Variants in TRPC4 observed in about 807,000 individuals in gnomAD.
The protein encoded by TRPC4 is short transient receptor potential channel 4.
A neutral mutation model predicts 99.4 loss-of-function variants in TRPC4; 49 were observed. The ratio of observed to expected loss-of-function variants is 0.49; its 90% CI spans 0.39 to 0.63. The LOEUF (loss-of-function observed/expected upper bound fraction) is 0.63. Among genes scored for constraint, TRPC4 ranks in the 20% least tolerant of loss-of-function variants. The probability of loss-of-function intolerance (pLI) is 0.00; values close to 1 mark genes in which losing one functional copy is unlikely to be tolerated. For synonymous variants in TRPC4, 454 were observed against 425.9 expected (o/e 1.07, Z -0.81); for missense variants, 898 against 1,152.9 (o/e 0.78, Z 3.20).
intron 1 of TRPC4, among the ~76,000 whole-genome samples, chr13:37,817,829 C>T (rs1462161454): frequency 6.6e-6 from 1 of 151,894 alleles, no homozygotes; most frequent in East Asian, 1.9e-4. Context: ...AATAGGCTAG[C>T]CATATGCAGA....
rs144222571 is a variant in TRPC4 at position 37,713,410 on chromosome 13, C to T, written c.898-21075G>A. 4.9e-3 allele frequency among the ~76,000 whole-genome samples: 746 copies of T among 152,262 alleles called. 3 individuals carry two copies. Among genetic ancestry groups the T allele is most frequent in the Middle Eastern group, 0.017 (5 of 294 alleles). ...AAGATTGCCTGAAATAAAAGCTAAA[C>T]TTTCAGTTATAAAGTACTGGCTCTT... On this transcript the variant is annotated intron_variant, in intron 3 of 10. Transcript: ENST00000379705.
intron 1 of TRPC4, among the ~76,000 whole-genome samples, chr13:37,840,936 T>C (rs1193050529): frequency 5.3e-5 from 8 of 152,068 alleles, no homozygotes; most frequent in Admixed American, 5.2e-4. Flanking sequence ...TTCCTAATGG[T>C]ATTATTTTTG....
intron 2 of TRPC4, among the ~76,000 whole-genome samples, chr13:37,762,847 C>A (rs1019678275): frequency 6.7e-6 from 1 of 150,212 alleles, no homozygotes; most frequent in Non-Finnish European, 1.5e-5. Context: ...TGCACATGTA[C>A]CCTAAAACTT....
intron 8 of TRPC4, among the ~76,000 whole-genome samples, chr13:37,642,605 T>C (rs1951749746): frequency 6.6e-6 from 1 of 152,166 alleles, no homozygotes; most frequent in Non-Finnish European, 1.5e-5. Flanking sequence ...TTGGGAAAGC[T>C]GGTTGTCTAC....
At chr13:37,647,740 G>A (rs970449876) in intron 8 of TRPC4, among the ~76,000 whole-genome samples, 1 of 152,202 alleles carries the variant, frequency 6.6e-6, no homozygotes, top group Admixed American at 6.5e-5. Context: ...GAGTGTCACT[G>A]TTCCTTAAAT....
In TRPC4 at chr13:37,841,849, G is replaced by C. The variant is rs1334857618; in HGVS notation, c.-28+27746C>G. ...AACAGTTTCTTTAAAAATGAAGCATGCCACTATCATGTGACTCAACAATTA... is the reference window on the plus strand; with the variant it reads ...AACAGTTTCTTTAAAAATGAAGCATCCCACTATCATGTGACTCAACAATTA... On this transcript the variant is annotated intron_variant, in intron 1 of 10. Transcript: ENST00000379705. Among the ~76,000 whole-genome samples the C allele has an allele frequency of 2.6e-5, 4 of 152,114 alleles. No individual in the cohort carries two copies. The East Asian group carries it at 7.7e-4, about 29-fold the overall frequency.
chr13:37,641,253 T>TA (rs766534904), intron 8 of TRPC4, among the ~76,000 whole-genome samples: 4 of 152,100 alleles, frequency 2.6e-5, no homozygotes, highest in Non-Finnish European at 5.9e-5. Flanking sequence ...GGAAAAAACT[T>TA]AAAAAATCAA....
intron 1 of TRPC4, among the ~76,000 whole-genome samples, chr13:37,799,547 A>G (rs1957346140): frequency 6.6e-6 from 1 of 152,154 alleles, no homozygotes; most frequent in Non-Finnish European, 1.5e-5. Flanking sequence ...CTGATTTCTC[A>G]TATGTAAAAA....
intron 3 of TRPC4, among the ~76,000 whole-genome samples, chr13:37,715,471 T>A (rs943999406): frequency 6.6e-6 from 1 of 152,162 alleles, no homozygotes; most frequent in Non-Finnish European, 1.5e-5. Flanking sequence ...AATAGTTGCC[T>A]TTTGGGGAAG....
At chr13:37,828,736 A>G (rs1271484471) in intron 1 of TRPC4, among the ~76,000 whole-genome samples, 1 of 152,248 alleles carries the variant, frequency 6.6e-6, no homozygotes, top group Non-Finnish European at 1.5e-5. Context: ...ACAGGAACAG[A>G]AAACCAAATA....
intron 1 of TRPC4, among the ~76,000 whole-genome samples, chr13:37,860,920 C>T (rs755488919): frequency 6.6e-6 from 1 of 151,480 alleles, no homozygotes. Context: ...GTATCTATTT[C>T]ATTATATTTA....
At chr13:37,756,707 G>T (rs1267596857) in intron 2 of TRPC4, among the ~76,000 whole-genome samples, 2 of 151,136 alleles carry the variant, frequency 1.3e-5, no homozygotes, top group East Asian at 2.0e-4. Context: ...TTAATTTTTT[G>T]GATTCTTAGC....
chr13:37,738,786 G>A (rs1382047067), intron 3 of TRPC4, among the ~76,000 whole-genome samples: 5 of 152,106 alleles, frequency 3.3e-5, no homozygotes, highest in Admixed American at 1.3e-4. Flanking sequence ...AAGCAGTGAC[G>A]GTGGGCATTA....
At chr13:37,793,590 G>A (rs1292289592) in intron 1 of TRPC4, among the ~76,000 whole-genome samples, 2 of 152,012 alleles carry the variant, frequency 1.3e-5, no homozygotes, top group Non-Finnish European at 2.9e-5. Flanking sequence ...ATAATGAACA[G>A]TCCCTTTGGA....
chr13:37,864,151 T>G (rs1959584806), intron 1 of TRPC4, among the ~76,000 whole-genome samples: 1 of 151,700 alleles, frequency 6.6e-6, no homozygotes. Flanking sequence ...GTCTTTGAAA[T>G]GCACTCTCAA....
At chr13:37,866,900 T>A (rs1048022903) in intron 1 of TRPC4, among the ~76,000 whole-genome samples, 6 of 151,198 alleles carry the variant, frequency 4.0e-5, no homozygotes, top group Non-Finnish European at 5.9e-5. Context: ...GTTTTTATTT[T>A]GAGCTGTCTC....
intron 3 of TRPC4, among the ~76,000 whole-genome samples, chr13:37,727,016 A>G (rs988199528): frequency 6.6e-6 from 1 of 152,112 alleles, no homozygotes; most frequent in East Asian, 1.9e-4. Context: ...CTCTCTCAAG[A>G]GCAGACAGAA....
intron 1 of TRPC4, among the ~76,000 whole-genome samples, chr13:37,797,122 G>A (rs1957278515): frequency 6.6e-6 from 1 of 151,636 alleles, no homozygotes; most frequent in African/African-American, 2.4e-5. Context: ...CCAGACTACA[G>A]TAAGCTGTGA....
intron 1 of TRPC4, among the ~76,000 whole-genome samples, chr13:37,844,135 G>A (rs997811262): frequency 1.3e-5 from 2 of 152,188 alleles, no homozygotes; most frequent in Non-Finnish European, 2.9e-5. Context: ...GATTACCTGA[G>A]TTTAGTTAGA....
Sources: gnomAD v4.1 joint callset for allele counts (sites outside exome capture counted in the v4.1 genomes callset) on GRCh38, gnomAD v4.1.1 for gene constraint, MANE v1.5 for transcripts, NCBI Gene and HGNC (gene_info 2026-07-23, HGNC 2026-07-21) for gene names.